POLI: variants seen among roughly 807,000 people sequenced by gnomAD.
POLI encodes the protein RAD30 homolog B.
A neutral mutation model predicts 51.6 loss-of-function variants in POLI; 58 were observed. The observed-to-expected ratio is 1.12, with a 90% CI of 0.91 to 1.40. POLI has a LOEUF of 1.40. Ranked by LOEUF, POLI falls within the 40% of genes most tolerant of loss-of-function variation. The probability of loss-of-function intolerance (pLI) is 0.00; values close to 1 mark genes in which losing one functional copy is unlikely to be tolerated. For missense variants in POLI, 921 were observed against 871.3 expected, an observed-to-expected ratio of 1.06 and a Z score of -0.72; for synonymous variants, 322 against 299.7, an observed-to-expected ratio of 1.07 and a Z score of -0.77.
At position 54,287,271 on chromosome 18, in the gene POLI, T is replaced by G. The variant is rs2087790478; in HGVS notation, c.1068-10T>G. The G allele has an allele frequency of 6.5e-7, 1 of 1,534,274 alleles. No individual in the cohort carries two copies. Among genetic ancestry groups the G allele is most frequent in the Non-Finnish European group, 8.9e-7 (1 of 1,127,720 alleles). ...CTAATTCCTTATTTCCACTTTCTCT[T>G]TATTTTTAGAGTATGCCAAGATGGA... On this transcript the variant is annotated splice_polypyrimidine_tract_variant and intron_variant, in intron 7 of 9. Coordinates refer to ENST00000579534, the MANE Select transcript of POLI (RefSeq NM_007195.3).
Position 54,305,598 on chromosome 18 carries a change from C to T in POLI, c.334-14675C>T, listed in dbSNP as rs140185296. Among the ~76,000 whole-genome samples, 582 of 142,822 alleles carry T rather than the reference C, an allele frequency of 4.1e-3. 7 individuals carry two copies. The highest frequency in any genetic ancestry group is 0.014 in the African/African-American group (538 of 39,342). The allele number at this position is 142,822 out of a possible 152,430, so 93.7% of individuals were successfully genotyped here. On this transcript the variant is annotated intron_variant, in intron 3 of 4. Transcript: ENST00000579823. ...TGTATATGAATGCTTGTGATTTTTG[C>T]ACATTGATTTTGTGTCCTGAGACTT...
chr18:54,276,729 A>G (rs2087256414), intron 3 of POLI, among the ~76,000 whole-genome samples: 1 of 152,218 alleles, frequency 6.6e-6, no homozygotes, highest in South Asian at 2.1e-4. Context: ...GGTGTTTGCC[A>G]TGTCACATTG....
chr18:54,307,289 T>C (rs1269669385), intron 3 of POLI, among the ~76,000 whole-genome samples: 1 of 152,186 alleles, frequency 6.6e-6, no homozygotes, highest in African/African-American at 2.4e-5. Context: ...TTCTGGTACA[T>C]TGTGTCTTTG....
intron 7 of POLI, among the ~76,000 whole-genome samples, chr18:54,285,140 C>T (rs957912014): frequency 1.3e-5 from 2 of 152,180 alleles, no homozygotes; most frequent in South Asian, 2.1e-4. Context: ...CCATGCAGCT[C>T]ATTGTTGGCT....
In POLI at chr18:54,294,304, A is replaced by G; in HGVS notation, c.2060A>G (p.Glu687Gly). 6.2e-7 allele frequency: 1 copy of G among 1,613,570 alleles called. No homozygotes were observed. Among genetic ancestry groups the G allele is most frequent in the Non-Finnish European group, 8.5e-7 (1 of 1,179,592 alleles). Reference protein sequence around the residue: ...HKQTVATDSHEGLTENREPDS... With the variant: ...HKQTVATDSHGGLTENREPDS... ...CAAACAGTAGCAACAGACTCTCATG[A>G]AGGACTTACAGAAAATAGAGAGCCA... Residue 687 changes from glutamate (E) to glycine (G), a missense_variant, in exon 10 of 10, where the codon GAA (glutamate) becomes GGA (glycine). Glu to Gly is a moderately conservative substitution (Grantham distance 98). Coordinates refer to ENST00000579534, the MANE Select transcript of POLI (RefSeq NM_007195.3).
downstream of POLI, among the ~76,000 whole-genome samples, chr18:54,298,462 A>G (rs1436791537): frequency 6.6e-6 from 1 of 152,110 alleles, no homozygotes; most frequent in Admixed American, 6.6e-5. Context: ...TCACATCATT[A>G]GCATACAGTG....
downstream of POLI, among the ~76,000 whole-genome samples, chr18:54,302,395 A>G (rs1364262674): frequency 1.3e-5 from 2 of 152,162 alleles, no homozygotes; most frequent in African/African-American, 4.8e-5. Context: ...GTAAAAAAAG[A>G]GTTTTACTCT....
At chr18:54,282,155 A>C (rs1266853214) in intron 5 of POLI, among the ~76,000 whole-genome samples, 3 of 152,128 alleles carry the variant, frequency 2.0e-5, no homozygotes, top group Non-Finnish European at 4.4e-5. Flanking sequence ...ATGTACACTT[A>C]ATTTATTTTA....
chr18:54,291,282 C>G (rs1354363041), intron 8 of POLI: 2 of 152,312 alleles, frequency 1.3e-5, no homozygotes, highest in Non-Finnish European at 2.9e-5. Flanking sequence ...GTGGGATCTT[C>G]CCATTCGTTT....
rs745938963 is a variant in POLI, at chr18:54,277,871, T to C, written c.559+16T>C. Reference sequence around the variant, plus strand: ...AATAATCAGTGTGAGTGGGTTCTTATTCATTCTACCTACTAACCAAAAGTA... The same window carrying C: ...AATAATCAGTGTGAGTGGGTTCTTACTCATTCTACCTACTAACCAAAAGTA... On this transcript the variant is annotated intron_variant, in intron 4 of 9. Coordinates refer to ENST00000579534, the MANE Select transcript of POLI (RefSeq NM_007195.3). 55 of 1,581,866 alleles carry C rather than the reference T, an allele frequency of 3.5e-5. No homozygotes were observed. The highest frequency in any genetic ancestry group is 4.7e-5 in the Non-Finnish European group (54 of 1,159,054).
At position 54,291,946 on chromosome 18, in the gene POLI, C is replaced by T. The variant is rs1026444367; in HGVS notation, c.1312C>T (p.Leu438Phe). 5 of 1,608,528 alleles carry T rather than the reference C, an allele frequency of 3.1e-6. No individual in the cohort carries two copies. Among genetic ancestry groups the T allele is most frequent in the African/African-American group, 1.3e-5 (1 of 74,724 alleles). Residue 438 changes from leucine (L) to phenylalanine (F), a missense_variant, in exon 9 of 10, where the codon CTT (leucine) becomes TTT (phenylalanine). By Grantham distance (22) the Leu-to-Phe change is conservative. Transcript: ENST00000579534. The stretch of plus-strand genomic sequence containing the variant: ...CCTTCTAAGTGTGTGCTTCTGCAAC[C>T]TTAAAGCACTAAATACTGCTAAGAA... The part of the protein sequence containing the change: ...LTLLSVCFCN[L>F]KALNTAKKGL...
Position 54,297,832 on chromosome 18 carries a change from A to G in POLI, c.*3365A>G, listed in dbSNP as rs1273547904. 3.1e-6 allele frequency: 3 copies of G among 971,930 alleles called. No homozygotes were observed. Among genetic ancestry groups the G allele is most frequent in the Non-Finnish European group, 3.7e-6 (3 of 817,790 alleles). 60.2% of individuals were successfully genotyped at this position (971,930 alleles called of 1,614,324 possible). Reference sequence around the variant, plus strand: ...AAATTGGATATTATTAGTATTTTATATAGTCAATGTTTATTTTTTTGATGG... The same window carrying G: ...AAATTGGATATTATTAGTATTTTATGTAGTCAATGTTTATTTTTTTGATGG... On this transcript the variant is annotated 3_prime_UTR_variant, in exon 10 of 10. Coordinates refer to ENST00000579534, the MANE Select transcript of POLI (RefSeq NM_007195.3).
chr18:54,278,409 G>A (rs1052390732), intron 4 of POLI, among the ~76,000 whole-genome samples: 2 of 152,170 alleles, frequency 1.3e-5, no homozygotes, highest in Admixed American at 6.5e-5. Context: ...TCTAAGCAGA[G>A]TTTTCAGGTA....
At chr18:54,300,005 A>T (rs1221572071), downstream of POLI, among the ~76,000 whole-genome samples, 1 of 152,156 alleles carries the variant, frequency 6.6e-6, no homozygotes, top group Admixed American at 6.6e-5. Flanking sequence ...ATCTTAAAAA[A>T]AAAAGGAAAA....
Position 54,297,935 on chromosome 18 carries a change from A to T in POLI, c.*3468A>T. On this transcript the variant is annotated 3_prime_UTR_variant, in exon 10 of 10. Coordinates refer to ENST00000579534, the MANE Select transcript of POLI (RefSeq NM_007195.3). ...AGAATTCTTTATACCTTCTGAAATTATGTCCTTAGAGCTGTAGATTTAGAA... is the reference window on the plus strand; with the variant it reads ...AGAATTCTTTATACCTTCTGAAATTTTGTCCTTAGAGCTGTAGATTTAGAA... 9.2e-6 allele frequency: 9 copies of T among 981,464 alleles called. No individual in the cohort carries two copies. Among genetic ancestry groups the T allele is most frequent in the Non-Finnish European group, 9.7e-6 (8 of 826,406 alleles). 60.8% of individuals were successfully genotyped at this position (981,464 alleles called of 1,614,324 possible).
chr18:54,273,178 A>T (rs1229244757), intron 2 of POLI, among the ~76,000 whole-genome samples: 5 of 152,088 alleles, frequency 3.3e-5, no homozygotes, highest in African/African-American at 9.6e-5. Flanking sequence ...TAAATAAATG[A>T]TCATAATTTA....
At chr18:54,298,563 G>A (rs574685933), downstream of POLI, among the ~76,000 whole-genome samples, 4 of 149,748 alleles carry the variant, frequency 2.7e-5, no homozygotes, top group East Asian at 7.8e-4. Flanking sequence ...CCTGAACGAA[G>A]ACCAGACCAA....
chr18:54,293,914 G>C lies in POLI; in HGVS notation c.1670G>C (p.Ser557Thr). Reference sequence around the variant, plus strand: ...AGGGAAAAATTTCAAGGGAAAGGAAGTGTGAGTTGTCCATTACATGCCTCT... The same window carrying C: ...AGGGAAAAATTTCAAGGGAAAGGAACTGTGAGTTGTCCATTACATGCCTCT... Reference protein sequence around the residue: ...KSREKFQGKGSVSCPLHASRG... With the variant: ...KSREKFQGKGTVSCPLHASRG... The change falls in exon 10 of 10, where the codon AGT (serine) becomes ACT (threonine). Residue 557 changes from serine to threonine, a missense_variant. Coordinates refer to ENST00000579534, the MANE Select transcript of POLI (RefSeq NM_007195.3). 1 of 1,613,168 alleles carries C rather than the reference G, an allele frequency of 6.2e-7. No homozygotes were observed. The highest frequency in any genetic ancestry group is 8.5e-7 in the Non-Finnish European group (1 of 1,179,376).
At chr18:54,291,520 C>T (rs1227780786) in intron 8 of POLI, 1 of 205,526 alleles carries the variant, frequency 4.9e-6, no homozygotes, top group Non-Finnish European at 9.7e-6. Context: ...CAGTACTTCT[C>T]ACTTTGTTTG....
Sources: allele counts gnomAD v4.1 joint callset (sites outside exome capture counted in the v4.1 genomes callset), GRCh38; gene constraint gnomAD v4.1.1; transcripts MANE v1.5; gene names NCBI Gene and HGNC (gene_info 2026-07-23, HGNC 2026-07-21).